The following GRIK4 variants were observed in gnomAD, a reference collection of about 807,000 sequenced individuals.
GRIK4 encodes glutamate receptor ionotropic, kainate 4.
A neutral mutation model predicts 104.9 loss-of-function variants in GRIK4; 40 were observed. The observed-to-expected ratio is 0.38, with a 90% confidence interval of 0.30 to 0.50. GRIK4 has a LOEUF of 0.50. GRIK4 is among the 20% of genes least tolerant of loss of function. The pLI, the probability that GRIK4 is intolerant of heterozygous loss-of-function variation, is 0.93. For missense variants in GRIK4, 1,047 were observed against 1,308.1 expected (o/e 0.80, Z 3.08); for synonymous variants, 485 against 524.9 (o/e 0.92, Z 1.04).
At chr11:120,745,367 C>T (rs978000212) in intron 3 of GRIK4, among the ~76,000 whole-genome samples, 5 of 152,178 alleles carry the variant, frequency 3.3e-5, no homozygotes, top group East Asian at 1.9e-4. Flanking sequence ...ACATTCCATA[C>T]GTACTGCATG....
chr11:120,881,655 A>AT (rs1263518796), intron 11 of GRIK4, among the ~76,000 whole-genome samples: 3 of 152,152 alleles, frequency 2.0e-5, no homozygotes, highest in African/African-American at 7.2e-5. Flanking sequence ...AGAGAATTCA[A>AT]CCCAACTCCT....
Position 120,513,141 on chromosome 11 carries a change from G to T in GRIK4, c.-159+1254G>T, listed in dbSNP as rs80234662. Among the ~76,000 whole-genome samples the T allele has an allele frequency of 0.026, 4,027 of 152,216 alleles. 181 individuals carry two copies. Among genetic ancestry groups the T allele is most frequent in the African/African-American group, 0.091 (3,766 of 41,514 alleles). ...AGGAGGGGAGCTCTGAGCACAGCTG[G>T]GCCCTTTTGCCAGGCAGTGGGCAGC... On this transcript the variant is annotated intron_variant, in intron 1 of 20. Coordinates refer to ENST00000527524, the MANE Select transcript of GRIK4 (RefSeq NM_014619.5). The surrounding 1 kb of genome is among the most constrained non-coding windows in gnomAD (Gnocchi z 4.5).
At chr11:120,710,448 C>G (rs1456519135) in intron 3 of GRIK4, among the ~76,000 whole-genome samples, 2 of 152,194 alleles carry the variant, frequency 1.3e-5, no homozygotes, top group Non-Finnish European at 2.9e-5. Context: ...ACGGCACTGA[C>G]TCACTCTGGC....
At chr11:120,539,259 C>T (rs1948008165) in intron 1 of GRIK4, among the ~76,000 whole-genome samples, 1 of 152,200 alleles carries the variant, frequency 6.6e-6, no homozygotes, top group Admixed American at 6.5e-5. Context: ...CTTGTGTTTC[C>T]TCTGTCCTCA....
intron 1 of GRIK4, among the ~76,000 whole-genome samples, chr11:120,632,584 G>C (rs780653976): frequency 2.0e-5 from 3 of 152,104 alleles, no homozygotes; most frequent in Non-Finnish European, 2.9e-5. Context: ...GTCCCCGTTT[G>C]TCCCAGCCAC....
At position 120,791,485 on chromosome 11, in the gene GRIK4, T is replaced by C. The variant is rs145316533; in HGVS notation, c.83-11208T>C. Among the ~76,000 whole-genome samples, 6 of 152,366 alleles carry C rather than the reference T, an allele frequency of 3.9e-5. No homozygotes were observed. The East Asian group carries it at 1.2e-3, about 29-fold the overall frequency. On this transcript the variant is annotated intron_variant, in intron 3 of 20. Transcript: ENST00000527524. Reference sequence around the variant, plus strand: ...TTTTCCTATTACTGAGCTTTGAAAGTTCTTTACATATTCTGGATACAAGTC... The same window carrying C: ...TTTTCCTATTACTGAGCTTTGAAAGCTCTTTACATATTCTGGATACAAGTC...
At chr11:120,762,907 G>A (rs748095725) in intron 3 of GRIK4, among the ~76,000 whole-genome samples, 1 of 151,834 alleles carries the variant, frequency 6.6e-6, no homozygotes, top group East Asian at 1.9e-4. Flanking sequence ...TTCTTTTTTT[G>A]TTGTTGTTGT....
intron 3 of GRIK4, among the ~76,000 whole-genome samples, chr11:120,671,639 A>G (rs1177896831): frequency 6.6e-6 from 1 of 152,126 alleles, no homozygotes; most frequent in Non-Finnish European, 1.5e-5. Context: ...CCCTTGTCAG[A>G]TGGATAGATT....
At chr11:120,682,163 G>A (rs190697451) in intron 3 of GRIK4, among the ~76,000 whole-genome samples, 20 of 152,328 alleles carry the variant, frequency 1.3e-4, no homozygotes, top group Middle Eastern at 3.4e-3. Context: ...GGCTGGAATC[G>A]TCAGAAGGAA....
intron 7 of GRIK4, among the ~76,000 whole-genome samples, chr11:120,834,980 A>T (rs1953536270): frequency 6.6e-6 from 1 of 152,098 alleles, no homozygotes; most frequent in South Asian, 2.1e-4. Context: ...TTACTTGGAC[A>T]GTGTGATTGT....
chr11:120,667,506 G>T (rs11217952), intron 3 of GRIK4, among the ~76,000 whole-genome samples: 23,122 of 152,264 alleles, frequency 0.15, 1,869 homozygotes, highest in South Asian at 0.24. Flanking sequence ...TCACAGCCTC[G>T]CGGCTCGTCA....
chr11:120,872,285 G>A (rs992448905), intron 9 of GRIK4: 1 of 244,736 alleles, frequency 4.1e-6, no homozygotes, highest in African/African-American at 2.2e-5. Flanking sequence ...GAGGGGCTGG[G>A]ATCTGGACTC....
chr11:120,635,696 A>G (rs1024384764), intron 1 of GRIK4, among the ~76,000 whole-genome samples: 2 of 152,226 alleles, frequency 1.3e-5, no homozygotes, highest in South Asian at 4.1e-4. Flanking sequence ...GTGATTCAGG[A>G]GAGATAGCAA....
At chr11:120,551,543 G>T (rs1445328671) in intron 1 of GRIK4, among the ~76,000 whole-genome samples, 1 of 152,194 alleles carries the variant, frequency 6.6e-6, no homozygotes, top group East Asian at 1.9e-4. Context: ...CACTTTGGGA[G>T]GCTGAGGTGG....
intron 3 of GRIK4, among the ~76,000 whole-genome samples, chr11:120,733,950 C>T (rs1386966482): frequency 6.6e-6 from 1 of 152,116 alleles, no homozygotes; most frequent in African/African-American, 2.4e-5. Context: ...GTTGGCCAGA[C>T]TGGTCTTGAA....
chr11:120,620,111 C>T (rs1949167127), intron 1 of GRIK4: 1 of 763,710 alleles, frequency 1.3e-6, no homozygotes. Context: ...TCGTTCTCAG[C>T]AAAATTGACC....
intron 3 of GRIK4, among the ~76,000 whole-genome samples, chr11:120,736,202 T>C (rs1408782384): frequency 6.6e-6 from 1 of 152,050 alleles, no homozygotes; most frequent in Non-Finnish European, 1.5e-5. Context: ...GGTTCCCTTC[T>C]GGGCCACGGT....
rs368078273 is a variant in GRIK4 at position 120,659,711 on chromosome 11, C to G, written c.-50-558C>G. On this transcript the variant is annotated intron_variant, in intron 2 of 20. Transcript: ENST00000527524. ...CTTCCTCTTCTGCTCACCCATGGCT[C>G]CAATTCCTTAAGGGCAGATGAGGGT... is the stretch of plus-strand genomic sequence containing the variant. Among the ~76,000 whole-genome samples the G allele has an allele frequency of 4.6e-5, 7 of 152,294 alleles. No individual in the cohort carries two copies. In the South Asian group the frequency reaches 1.5e-3, roughly 32 times the overall value.
chr11:120,656,092 T>G (rs1949706362), intron 2 of GRIK4, among the ~76,000 whole-genome samples: 1 of 152,224 alleles, frequency 6.6e-6, no homozygotes, highest in Non-Finnish European at 1.5e-5. Context: ...AGTTCTTTTT[T>G]CGCCCCTGAA....
Sources: allele counts gnomAD v4.1 joint callset (sites outside exome capture counted in the v4.1 genomes callset), GRCh38; gene constraint gnomAD v4.1.1; non-coding constraint Gnocchi (gnomAD v3.1); transcripts MANE v1.5; gene names NCBI Gene and HGNC (gene_info 2026-07-23, HGNC 2026-07-21).